HDAC4: variants seen among roughly 807,000 people sequenced by gnomAD.
HDAC4 encodes histone deacetylase 4, also known as histone deacetylase A.
HDAC4 carries 16 observed loss-of-function variants against 135.1 expected under a neutral mutation model. The observed-to-expected ratio is 0.12, with a 90% CI of 0.08 to 0.18. The LOEUF is 0.18. HDAC4 is among the 10% of genes least tolerant of loss of function. HDAC4 has a pLI of 1.00. For synonymous variants in HDAC4, 685 were observed against 653.4 expected (o/e 1.05, Z -0.74); for missense variants, 1,143 against 1,511.8 (o/e 0.76, Z 4.05).
intron 15 of HDAC4, among the ~76,000 whole-genome samples, chr2:239,106,944 C>T (rs1182534089): frequency 6.6e-6 from 1 of 152,180 alleles, no homozygotes; most frequent in Non-Finnish European, 1.5e-5. Flanking sequence ...TGGTGGGATT[C>T]CTGGTGTGGG....
chr2:239,222,376 C>A (rs547877903), intron 3 of HDAC4, among the ~76,000 whole-genome samples: 1 of 152,166 alleles, frequency 6.6e-6, no homozygotes, highest in Non-Finnish European at 1.5e-5. Context: ...TGTTCTATAT[C>A]CCCAGGAAGA....
rs571273159 is a variant in HDAC4, at chr2:239,188,853, T to C, written c.339+980A>G. 2.0e-5 allele frequency among the ~76,000 whole-genome samples: 3 copies of C among 152,350 alleles called. No individual in the cohort carries two copies. The South Asian group carries it at 6.2e-4, about 32-fold the overall frequency. Reference sequence around the variant, plus strand: ...CTGTGGATGAGGACCTCAGGCCTCCTGCCTGCGGCCATGTGAGTGAGCCTG... The same window carrying C: ...CTGTGGATGAGGACCTCAGGCCTCCCGCCTGCGGCCATGTGAGTGAGCCTG... On this transcript the variant is annotated intron_variant, in intron 4 of 26. Transcript: ENST00000543185.
chr2:239,217,254 C>T (rs776907923), intron 3 of HDAC4, among the ~76,000 whole-genome samples: 6 of 152,272 alleles, frequency 3.9e-5, no homozygotes, highest in East Asian at 3.9e-4. Context: ...AGAGGCCCGT[C>T]GACTCCCCTT....
intron 1 of HDAC4, among the ~76,000 whole-genome samples, chr2:239,397,409 G>A (rs537102995): frequency 1.2e-4 from 18 of 152,300 alleles, no homozygotes; most frequent in Admixed American, 9.1e-4. Context: ...ACAGCTGCTC[G>A]TGGCATCATC....
At chr2:239,339,211 C>T (rs1692137697) in intron 2 of HDAC4, among the ~76,000 whole-genome samples, 1 of 152,234 alleles carries the variant, frequency 6.6e-6, no homozygotes, top group Non-Finnish European at 1.5e-5. Flanking sequence ...ATAAGAGGGT[C>T]TGGGGTTGCC....
intron 6 of HDAC4, among the ~76,000 whole-genome samples, chr2:239,161,120 C>T (rs959572081): frequency 2.6e-5 from 4 of 152,126 alleles, no homozygotes; most frequent in East Asian, 1.9e-4. Context: ...ACCTTTTGAC[C>T]GTATTTTTAA....
intron 12 of HDAC4, among the ~76,000 whole-genome samples, chr2:239,120,298 A>G (rs1230934995): frequency 6.6e-6 from 1 of 152,036 alleles, no homozygotes. Context: ...GGCCTCAGGG[A>G]CCAGTGGTAG....
chr2:239,140,933 G>C (rs2041327923), intron 8 of HDAC4: 4 of 458,858 alleles, frequency 8.7e-6, no homozygotes, highest in Admixed American at 4.8e-5. Context: ...CCGAGCCACA[G>C]TGAGGAGGAT....
At chr2:239,182,863 G>A (rs988247166) in intron 4 of HDAC4, among the ~76,000 whole-genome samples, 6 of 152,158 alleles carry the variant, frequency 3.9e-5, no homozygotes, top group Non-Finnish European at 5.9e-5. Flanking sequence ...TCCTAGCATC[G>A]TGAATAGGTA....
intron 2 of HDAC4, among the ~76,000 whole-genome samples, chr2:239,266,334 A>G (rs1057175400): frequency 3.3e-5 from 5 of 152,126 alleles, no homozygotes; most frequent in African/African-American, 1.2e-4. Flanking sequence ...GACTGTCCTC[A>G]ATGCCCTGCA....
intron 22 of HDAC4, among the ~76,000 whole-genome samples, chr2:239,080,375 TCTC>T (rs1279518083): frequency 1.3e-5 from 2 of 152,168 alleles, no homozygotes; most frequent in African/African-American, 4.8e-5. Flanking sequence ...ATAAAACCCT[TCTC>T]CTCACGTGGC....
At chr2:239,236,750 C>A in intron 2 of HDAC4, 86 bp from the exon 3 acceptor site, 2 of 947,942 alleles carry the variant, frequency 2.1e-6, no homozygotes, top group African/African-American at 1.6e-5. Flanking sequence ...GGGAGTAACT[C>A]CCCAAACAAT....
intron 1 of HDAC4, among the ~76,000 whole-genome samples, chr2:239,376,701 C>G (rs894385144): frequency 2.6e-5 from 4 of 152,254 alleles, no homozygotes; most frequent in African/African-American, 7.2e-5. Flanking sequence ...TTCCTGAATA[C>G]AGCCTGAGTG....
At chr2:239,342,375 A>G (rs1294555981) in intron 2 of HDAC4, among the ~76,000 whole-genome samples, 1 of 152,218 alleles carries the variant, frequency 6.6e-6, no homozygotes, top group Non-Finnish European at 1.5e-5. Flanking sequence ...GTATACAGAA[A>G]AGAAAAAACT....
chr2:239,061,294 G>A (rs939471605), intron 24 of HDAC4, among the ~76,000 whole-genome samples: 2 of 151,752 alleles, frequency 1.3e-5, no homozygotes, highest in Non-Finnish European at 2.9e-5. Flanking sequence ...TGCTTCTGTG[G>A]GTGTGCAGAT....
chr2:239,393,759 A>G (rs1696382945), intron 1 of HDAC4, among the ~76,000 whole-genome samples: 1 of 152,108 alleles, frequency 6.6e-6, no homozygotes, highest in African/African-American at 2.4e-5. Flanking sequence ...TGTCCCTACC[A>G]ACACCAAAGC....
At chr2:239,392,377 C>T (rs1361614769) in intron 1 of HDAC4, among the ~76,000 whole-genome samples, 1 of 152,210 alleles carries the variant, frequency 6.6e-6, no homozygotes, top group Non-Finnish European at 1.5e-5. Context: ...CAAGTGTTCT[C>T]CAAAGAATGG....
intron 3 of HDAC4, among the ~76,000 whole-genome samples, chr2:239,233,472 C>G (rs766339965): frequency 2.1e-5 from 3 of 143,830 alleles, no homozygotes; most frequent in Non-Finnish European, 4.6e-5. Context: ...AAAAAAAAAA[C>G]AAACCCAAAA....
chr2:239,192,804 C>T (rs538300862), intron 3 of HDAC4, among the ~76,000 whole-genome samples: 45 of 152,274 alleles, frequency 3.0e-4, no homozygotes, highest in African/African-American at 1.1e-3. Context: ...CTTTGTTCTT[C>T]TAAGTTACAC....
Sources: gnomAD v4.1 joint callset for allele counts (sites outside exome capture counted in the v4.1 genomes callset) on GRCh38, gnomAD v4.1.1 for gene constraint, MANE v1.5 for transcripts, NCBI Gene and HGNC (gene_info 2026-07-23, HGNC 2026-07-21) for gene names.